RPL7A: variants seen among roughly 807,000 people sequenced by gnomAD.
The protein encoded by RPL7A is ribosomal protein L7a, also known as large ribosomal subunit protein eL8.
For missense variants in RPL7A, 291 were observed against 338.2 expected (o/e 0.86, Z 1.09); for synonymous variants, 158 against 128.2 (o/e 1.23, Z -1.57).
chr9:133,349,255 T>C (rs1206779304), intron 2 of RPL7A: 3 of 742,808 alleles, frequency 4.0e-6, no homozygotes, highest in East Asian at 2.6e-5. Flanking sequence ...TGGCCTTGAA[T>C]TCAGCTTAGC....
chr9:133,348,329 G>T, intron 1 of RPL7A, 83 bp downstream of exon 1: 1 of 1,582,668 alleles, frequency 6.3e-7, no homozygotes, highest in South Asian at 1.1e-5. Context: ...GGCCTCGGAG[G>T]GCCTCCTGCT....
At chr9:133,349,342 G>C in intron 2 of RPL7A, 9 of 842,326 alleles carry the variant, frequency 1.1e-5, no homozygotes, top group Non-Finnish European at 8.2e-6. Flanking sequence ...GTGGCACCTT[G>C]GCTTCTTGTT....
At position 133,349,992 on chromosome 9, in the gene RPL7A, GAGA is replaced by G. The variant is rs2129990503; in HGVS notation, c.361_363del (p.Lys121del). 3 of 1,612,578 alleles carry G rather than the reference GAGA, an allele frequency of 1.9e-6. No individual in the cohort carries two copies. The highest frequency in any genetic ancestry group is 1.3e-5 in the African/African-American group (1 of 75,022). On this transcript the variant is annotated inframe_deletion, in exon 4 of 8. Coordinates refer to ENST00000323345, the MANE Select transcript of RPL7A (RefSeq NM_000972.3). ...GAAGCAGAGACTGTTGGCCCGGGCC[GAGA>G]AGAAGGCTGCTGGCAAAGGGGACGT...
rs201422311 is a variant in RPL7A at position 133,349,637 on chromosome 9, T to C, written c.211T>C (p.Tyr71His). The C allele has an allele frequency of 1.7e-5, 28 of 1,614,046 alleles. No homozygotes were observed. The highest frequency in any genetic ancestry group is 2.1e-5 in the Non-Finnish European group (25 of 1,180,010). Residue 71 changes from tyrosine to histidine, a missense_variant, in exon 3 of 8, where the codon TAT becomes CAT. Transcript: ENST00000323345. ...GTTGCAGCGGCAGAGAGCCATCCTC[T>C]ATAAGCGGCTGAAAGTGCCTCCTGC... Reference protein sequence around the residue: ...IRLQRQRAILYKRLKVPPAIN... With the variant: ...IRLQRQRAILHKRLKVPPAIN...
At chr9:133,350,206 C>T (rs2129992079) in intron 4 of RPL7A, 34 bp from the exon 5 acceptor site, 2 of 1,612,362 alleles carry the variant, frequency 1.2e-6, no homozygotes, top group East Asian at 2.2e-5. Context: ...AGAGCAGGCC[C>T]TGTGAGTGCT....
At chr9:133,349,809 TATAGTC>T in intron 3 of RPL7A, 97 bp from the exon 4 acceptor site, 9 of 1,579,150 alleles carry the variant, frequency 5.7e-6, no homozygotes, top group Non-Finnish European at 6.9e-6. Flanking sequence ...GTCATTAAAT[TATAGTC>T]ATATAGCAGG....
chr9:133,350,273 A>G lies in RPL7A; in HGVS notation c.449A>G (p.Lys150Arg), dbSNP rs2129992576. 2 of 1,613,948 alleles carry G rather than the reference A, an allele frequency of 1.2e-6. No homozygotes were observed. The highest frequency in any genetic ancestry group is 1.7e-6 in the Non-Finnish European group (2 of 1,180,040). The stretch of plus-strand genomic sequence containing the variant: ...ACCGTCACCACCTTGGTGGAGAACA[A>G]GAAAGCTCAGCTGGTGGTGATTGCA... The part of the protein sequence containing the change: ...VNTVTTLVEN[K>R]KAQLVVIAHD... The change falls in exon 5 of 8, where the codon AAG becomes AGG. Residue 150 changes from lysine to arginine, a missense_variant. Transcript: ENST00000323345.
Position 133,348,998 on chromosome 9 carries a change from T to A in RPL7A, c.80T>A (p.Val27Glu). Residue 27 changes from valine to glutamate, a missense_variant, in exon 2 of 8, where the codon GTG (valine) becomes GAG (glutamate). Val to Glu is a moderately radical substitution (Grantham distance 121). Coordinates refer to ENST00000323345, the MANE Select transcript of RPL7A (RefSeq NM_000972.3). ...AVVKKQEAKK[V>E]VNPLFEKRPK... ...GTGAAGAAGCAGGAGGCTAAGAAAG[T>A]GGTGAATCCCCTGTTTGAGAAAAGG... The A allele has an allele frequency of 6.2e-7, 1 of 1,613,926 alleles. No homozygotes were observed.
At chr9:133,349,475 C>T (rs1195023729) in intron 2 of RPL7A, 76 bp from the exon 3 acceptor site, 5 of 1,576,492 alleles carry the variant, frequency 3.2e-6, no homozygotes, top group African/African-American at 1.3e-5. Context: ...GATGCACCAA[C>T]ACCCTTCCTA....
At chr9:133,349,766 G>A (rs1012834150) in intron 3 of RPL7A, 66 bp downstream of exon 3, 1 of 1,602,116 alleles carries the variant, frequency 6.2e-7, no homozygotes, top group East Asian at 2.2e-5. Context: ...CAGAACATGA[G>A]GGGGATGGTC....
At chr9:133,350,935 T>C (rs2129997030) in intron 6 of RPL7A, 67 bp from the exon 7 acceptor site, 4 of 1,550,832 alleles carry the variant, frequency 2.6e-6, no homozygotes, top group East Asian at 2.2e-5. Flanking sequence ...AGCTAAAAGG[T>C]ATTTTTGCAT....
chr9:133,350,495 G>A (rs1175583601), intron 5 of RPL7A, 102 bp from the exon 6 acceptor site: 4 of 1,588,240 alleles, frequency 2.5e-6, no homozygotes, highest in Non-Finnish European at 3.5e-6. Context: ...CAACCTTGAA[G>A]TGCGAATCCA....
chr9:133,351,243 C>T lies in RPL7A; in HGVS notation c.697-19C>T, dbSNP rs1013414139. The T allele has an allele frequency of 1.2e-6, 2 of 1,608,010 alleles. No homozygotes were observed. The highest frequency in any genetic ancestry group is 1.7e-6 in the Non-Finnish European group (2 of 1,174,514). ...AGAAAACAGTAAGCCAAGCTAACTG[C>T]CTCTTTTTGTCTTTTCAGATCCGCC... On this transcript the variant is annotated intron_variant, in intron 7 of 7. Transcript: ENST00000323345.
rs2129985652 is a variant in RPL7A at position 133,349,402 on chromosome 9, T to G, written c.125-149T>G. ...TTGTTCTCAGGTGTTTGTGTGCAGATGATGTAAAAGAATATTTGCTATCTG... is the reference window on the plus strand; with the variant it reads ...TTGTTCTCAGGTGTTTGTGTGCAGAGGATGTAAAAGAATATTTGCTATCTG... On this transcript the variant is annotated intron_variant, in intron 2 of 7. Coordinates refer to ENST00000323345, the MANE Select transcript of RPL7A (RefSeq NM_000972.3). 8 of 1,027,870 alleles carry G rather than the reference T, an allele frequency of 7.8e-6. No homozygotes were observed. The Admixed American group carries it at 8.4e-5, about 11-fold the overall frequency. The allele number at this position is 1,027,870 out of a possible 1,614,324, so 63.7% of individuals were successfully genotyped here. A position where few individuals can be genotyped will look rare whatever the true frequency, so the allele number is the denominator to read the frequency against.
At chr9:133,350,117 G>C (rs2129991450) in intron 4 of RPL7A, 65 bp downstream of exon 4, 1 of 1,613,760 alleles carries the variant, frequency 6.2e-7, no homozygotes, top group Non-Finnish European at 8.5e-7. Context: ...AAAATTTCTT[G>C]GCCTGAAATT....
intron 3 of RPL7A, 94 bp downstream of exon 3, chr9:133,349,794 C>T: frequency 6.3e-7 from 1 of 1,580,336 alleles, no homozygotes; most frequent in South Asian, 1.2e-5. Context: ...TCTTGAACTG[C>T]AGTTGTCATT....
In RPL7A at chr9:133,349,053, A is replaced by G. The variant is rs2129983022; in HGVS notation, c.124+11A>G. On this transcript the variant is annotated intron_variant, in intron 2 of 7. Transcript: ENST00000323345. ...AGAATTTTGGCATTGGTAAGTAACA[A>G]ACGGCAGAATGAAAACGGTCTATGT... 29 of 1,613,112 alleles carry G rather than the reference A, an allele frequency of 1.8e-5. No individual in the cohort carries two copies. In the East Asian group the frequency reaches 3.3e-4, roughly 19 times the overall value.
Position 133,349,528 on chromosome 9 carries a change from C to T in RPL7A, c.125-23C>T, listed in dbSNP as rs2129986956. On this transcript the variant is annotated intron_variant, in intron 2 of 7. Transcript: ENST00000323345. The stretch of plus-strand genomic sequence containing the variant: ...CTTGACATGGAATTTGAGCCTCACT[C>T]GGTGTCACCCTTTACTTCTCAGGAC... 3.1e-6 allele frequency: 5 copies of T among 1,613,908 alleles called. No individual in the cohort carries two copies. In the Admixed American group the frequency reaches 5.0e-5, roughly 16 times the overall value.
chr9:133,349,272 G>T, intron 2 of RPL7A: 2 of 743,024 alleles, frequency 2.7e-6, no homozygotes, highest in South Asian at 1.5e-5. Flanking sequence ...TAGCCATCTG[G>T]AAACAAGTAC....
Sources: gnomAD v4.1 joint callset for allele counts on GRCh38, gnomAD v4.1.1 for gene constraint, MANE v1.5 for transcripts, NCBI Gene and HGNC (gene_info 2026-07-23, HGNC 2026-07-21) for gene names.